Variants in ALCAM observed in about 807,000 individuals in gnomAD.
ALCAM encodes the protein activated leukocyte cell adhesion molecule.
In ALCAM, 30 loss-of-function variants were observed where a neutral mutation model predicts 70.9. That is an observed-to-expected ratio of 0.42 (90% CI 0.32 to 0.57). The LOEUF is 0.57. ALCAM is among the 20% of genes least tolerant of loss of function. The pLI is 0.11. For missense variants in ALCAM, 591 were observed against 695.1 expected, an observed-to-expected ratio of 0.85 and a Z score of 1.68; for synonymous variants, 249 against 242.5, an observed-to-expected ratio of 1.03 and a Z score of -0.25.
intron 1 of ALCAM, among the ~76,000 whole-genome samples, chr3:105,423,218 G>A (rs1576153438): frequency 1.3e-5 from 2 of 150,928 alleles, no homozygotes; most frequent in Admixed American, 6.6e-5. Context: ...AATATCCTTG[G>A]TTCTTTGAGA....
intron 1 of ALCAM, among the ~76,000 whole-genome samples, chr3:105,373,504 A>T (rs1315934505): frequency 1.4e-4 from 21 of 152,096 alleles, no homozygotes; most frequent in Non-Finnish European, 4.4e-5. Flanking sequence ...AGTCTAGATT[A>T]CCTTATTTGA....
chr3:105,409,635 CTCTCAG>C (rs1031541730), intron 1 of ALCAM, among the ~76,000 whole-genome samples: 2 of 151,864 alleles, frequency 1.3e-5, no homozygotes, highest in Non-Finnish European at 2.9e-5. Flanking sequence ...GCACAGCAAA[CTCTCAG>C]AAATCACCAC....
At chr3:105,500,301 A>G (rs963282881) in intron 1 of ALCAM, among the ~76,000 whole-genome samples, 17 of 151,468 alleles carry the variant, frequency 1.1e-4, no homozygotes, top group African/African-American at 3.9e-4. Flanking sequence ...TCTCCTTCCT[A>G]GCTTCTTTCA....
chr3:105,367,942 C>A (rs1009834124), intron 1 of ALCAM, among the ~76,000 whole-genome samples: 2 of 151,966 alleles, frequency 1.3e-5, no homozygotes, highest in Non-Finnish European at 2.9e-5. Context: ...CTTGGTGAGC[C>A]GAGGAAGGGA....
chr3:105,510,996 A>G (rs6792010), intron 1 of ALCAM, among the ~76,000 whole-genome samples: 72,214 of 151,846 alleles, frequency 0.48, 17,748 homozygotes, highest in East Asian at 0.8. Context: ...CTTAGAAATG[A>G]TAAAACTACC....
intron 1 of ALCAM, among the ~76,000 whole-genome samples, chr3:105,486,534 A>G (rs771440386): frequency 6.6e-6 from 1 of 152,162 alleles, no homozygotes; most frequent in Non-Finnish European, 1.5e-5. Flanking sequence ...AATACAGTCC[A>G]TATTAGAAGG....
intron 1 of ALCAM, among the ~76,000 whole-genome samples, chr3:105,502,333 T>A (rs867728934): frequency 7.0e-4 from 106 of 152,302 alleles, no homozygotes; most frequent in East Asian, 1.5e-3. Flanking sequence ...GAATTTTTTT[T>A]AAAAAATTCT....
At chr3:105,402,018 G>A (rs574396760) in intron 1 of ALCAM, among the ~76,000 whole-genome samples, 6 of 151,808 alleles carry the variant, frequency 4.0e-5, no homozygotes, top group Admixed American at 1.3e-4. Flanking sequence ...GCAACTTGGG[G>A]TAGTGAATGA....
In ALCAM at chr3:105,541,071, T is replaced by G. The variant is rs114939405; in HGVS notation, c.859-562T>G. On this transcript the variant is annotated intron_variant, in intron 7 of 15. Coordinates refer to ENST00000306107, the MANE Select transcript of ALCAM (RefSeq NM_001627.4). ...TATCTTTCTTTGTTAACTTATATTATTCCTACATCATCTATATTTTTCCTA... is the reference window on the plus strand; with the variant it reads ...TATCTTTCTTTGTTAACTTATATTAGTCCTACATCATCTATATTTTTCCTA... Among the ~76,000 whole-genome samples the G allele has an allele frequency of 2.8e-3, 418 of 151,992 alleles. 11 individuals are homozygous for G. Among genetic ancestry groups the G allele is most frequent in the Non-Finnish European group, 9.0e-4 (61 of 67,928 alleles).
At chr3:105,401,342 A>G (rs1307307235) in intron 1 of ALCAM, among the ~76,000 whole-genome samples, 1 of 152,230 alleles carries the variant, frequency 6.6e-6, no homozygotes, top group Non-Finnish European at 1.5e-5. Flanking sequence ...CCTATACACA[A>G]CTACTTGGGA....
intron 1 of ALCAM, among the ~76,000 whole-genome samples, chr3:105,408,081 A>G (rs1936294440): frequency 6.6e-6 from 1 of 152,176 alleles, no homozygotes; most frequent in Non-Finnish European, 1.5e-5. Context: ...AAATGAAAAC[A>G]CACCCCATGC....
intron 14 of ALCAM, among the ~76,000 whole-genome samples, chr3:105,560,696 T>C (rs609294): frequency 0.97 from 147,178 of 152,238 alleles, 71,317 homozygotes; most frequent in East Asian, 1. Flanking sequence ...TCTAAAATTT[T>C]GTGTCTAGTG....
intron 1 of ALCAM, among the ~76,000 whole-genome samples, chr3:105,470,482 G>A (rs1937895482): frequency 6.6e-6 from 1 of 150,984 alleles, no homozygotes; most frequent in South Asian, 2.1e-4. Flanking sequence ...AGTGTTTAGG[G>A]GTTAAATTAT....
At chr3:105,475,265 G>A (rs1233377945) in intron 1 of ALCAM, among the ~76,000 whole-genome samples, 4 of 151,926 alleles carry the variant, frequency 2.6e-5, no homozygotes, top group Non-Finnish European at 5.9e-5. Flanking sequence ...CTCAATGAAT[G>A]CATTTTAAAA....
intron 1 of ALCAM, among the ~76,000 whole-genome samples, chr3:105,384,241 A>G (rs1056291006): frequency 1.4e-4 from 21 of 151,644 alleles, no homozygotes; most frequent in Admixed American, 4.0e-4. Context: ...TGAAACCAAC[A>G]TATCATTTTG....
At chr3:105,468,025 C>G (rs1389618402) in intron 1 of ALCAM, among the ~76,000 whole-genome samples, 1 of 151,252 alleles carries the variant, frequency 6.6e-6, no homozygotes, top group Admixed American at 6.6e-5. Flanking sequence ...TATATCAACT[C>G]TCAAGAAGTT....
intron 1 of ALCAM, among the ~76,000 whole-genome samples, chr3:105,399,712 G>T (rs554043411): frequency 2.6e-5 from 4 of 152,050 alleles, no homozygotes; most frequent in African/African-American, 9.6e-5. Context: ...AATCTTTCAG[G>T]CTATCCTTTT....
At chr3:105,408,160 A>C (rs1936295963) in intron 1 of ALCAM, among the ~76,000 whole-genome samples, 1 of 151,748 alleles carries the variant, frequency 6.6e-6, no homozygotes. Context: ...AATTCAATGC[A>C]ATTCCCATCA....
intron 1 of ALCAM, among the ~76,000 whole-genome samples, chr3:105,460,316 A>G (rs1937586059): frequency 6.6e-6 from 1 of 152,036 alleles, no homozygotes; most frequent in African/African-American, 2.4e-5. Context: ...TCTCACATGC[A>G]GTGCTTCTAA....
Sources: allele counts gnomAD v4.1 joint callset (sites outside exome capture counted in the v4.1 genomes callset), GRCh38; gene constraint gnomAD v4.1.1; transcripts MANE v1.5; gene names NCBI Gene and HGNC (gene_info 2026-07-23, HGNC 2026-07-21).